Variants in TMTC2 observed in about 807,000 individuals in gnomAD.
TMTC2 encodes the protein transmembrane O-mannosyltransferase targeting cadherins 2.
TMTC2 carries 43 observed loss-of-function variants against 82.4 expected under a neutral mutation model. The observed-to-expected ratio is 0.52, with a 90% CI of 0.41 to 0.67. The LOEUF (loss-of-function observed/expected upper bound fraction) is 0.67, where lower values mean the gene tolerates loss of function less well. TMTC2 is among the 30% of genes least tolerant of loss of function. The probability of loss-of-function intolerance (pLI) is 0.00; values close to 1 mark genes in which losing one functional copy is unlikely to be tolerated. For synonymous variants in TMTC2, 408 were observed against 381.9 expected (o/e 1.07, Z -0.80); for missense variants, 919 against 1,012.4 (o/e 0.91, Z 1.25).
chr12:83,108,962 T>C (rs1212591068), intron 11 of TMTC2, among the ~76,000 whole-genome samples: 1 of 152,232 alleles, frequency 6.6e-6, no homozygotes, highest in Non-Finnish European at 1.5e-5. Flanking sequence ...TTTATTCATT[T>C]CACTTCTGTT....
intron 4 of TMTC2, among the ~76,000 whole-genome samples, chr12:82,949,319 ATTTC>A (rs1877219089): frequency 6.6e-6 from 1 of 152,172 alleles, no homozygotes; most frequent in South Asian, 2.1e-4. Flanking sequence ...GATGCTTTTC[ATTTC>A]TTAATTTTGT....
intron 1 of TMTC2, among the ~76,000 whole-genome samples, chr12:82,733,153 A>G: frequency 6.6e-6 from 1 of 152,228 alleles, no homozygotes; most frequent in East Asian, 1.9e-4. Context: ...GTTGAGTAAT[A>G]GAAATGATGC....
intron 3 of TMTC2, 116 bp downstream of exon 3, chr12:82,896,762 C>G: frequency 1.4e-6 from 1 of 709,436 alleles, no homozygotes; most frequent in Non-Finnish European, 2.2e-6. Flanking sequence ...TATGCAGTAC[C>G]TGTATCTTTC....
chr12:82,910,903 CAG>C (rs1874605361), intron 3 of TMTC2, among the ~76,000 whole-genome samples: 1 of 150,600 alleles, frequency 6.6e-6, no homozygotes, highest in African/African-American at 2.4e-5. Flanking sequence ...GAGACAGAGG[CAG>C]AGTCTCGCTC....
Position 83,023,691 on chromosome 12 carries a change from T to G in TMTC2, c.2071-7107T>G, listed in dbSNP as rs544600619. Among the ~76,000 whole-genome samples, 10 of 152,344 alleles carry G rather than the reference T, an allele frequency of 6.6e-5. No homozygotes were observed. In the South Asian group the frequency reaches 2.1e-3, roughly 32 times the overall value. ...CAGCCTTGTCCTGGGCATAATACCA[T>G]GGAATCATTCCTCCCTTGTGAGGTC... On this transcript the variant is annotated intron_variant, in intron 8 of 11. Coordinates refer to ENST00000321196, the MANE Select transcript of TMTC2 (RefSeq NM_152588.3).
chr12:82,704,400 A>G (rs1239003920), intron 1 of TMTC2, among the ~76,000 whole-genome samples: 1 of 152,132 alleles, frequency 6.6e-6, no homozygotes, highest in Non-Finnish European at 1.5e-5. Context: ...ATTTTTTTTT[A>G]AACCATCTTT....
chr12:83,084,973 C>G (rs903926991), intron 11 of TMTC2, among the ~76,000 whole-genome samples: 1 of 152,206 alleles, frequency 6.6e-6, no homozygotes, highest in African/African-American at 2.4e-5. Flanking sequence ...AGAACTTGTG[C>G]TGTCAGTGCA....
At position 82,935,081 on chromosome 12, in the gene TMTC2, G is replaced by A. The variant is rs564902899; in HGVS notation, c.1598+4536G>A. Among the ~76,000 whole-genome samples, 4 of 152,134 alleles carry A rather than the reference G, an allele frequency of 2.6e-5. No individual in the cohort carries two copies. The East Asian group carries it at 7.7e-4, about 29-fold the overall frequency. ...ATCTATTAGAGAATATAAGGTTTTA[G>A]TAACTGTTAGTGAGTTTACTGAACT... On this transcript the variant is annotated intron_variant, in intron 4 of 11. Transcript: ENST00000321196.
intron 9 of TMTC2, among the ~76,000 whole-genome samples, chr12:83,044,901 GAATTTTTACAA>G (rs1261205965): frequency 3.9e-5 from 6 of 152,152 alleles, no homozygotes; most frequent in Non-Finnish European, 8.8e-5. Context: ...TTTATATGTA[GAATTTTTACAA>G]AGCAGGATTT....
At chr12:82,983,304 A>G (rs1879010394) in intron 7 of TMTC2, among the ~76,000 whole-genome samples, 1 of 152,028 alleles carries the variant, frequency 6.6e-6, no homozygotes, top group Non-Finnish European at 1.5e-5. Context: ...GTTTTCATAT[A>G]CTTGCCAAGA....
At chr12:82,930,335 G>A (rs906585024) in intron 3 of TMTC2, 96 bp from the exon 4 acceptor site, 3 of 629,676 alleles carry the variant, frequency 4.8e-6, no homozygotes, top group Non-Finnish European at 8.3e-6. Context: ...TTTTATGATG[G>A]TTTTCTCTCC....
At chr12:82,892,355 T>C (rs1873440894) in intron 2 of TMTC2, among the ~76,000 whole-genome samples, 1 of 152,244 alleles carries the variant, frequency 6.6e-6, no homozygotes, top group Non-Finnish European at 1.5e-5. Flanking sequence ...GTTTTCATTA[T>C]TCATATCTTT....
intron 4 of TMTC2, among the ~76,000 whole-genome samples, chr12:82,934,816 G>C (rs955281171): frequency 6.6e-6 from 1 of 152,142 alleles, no homozygotes; most frequent in African/African-American, 2.4e-5. Flanking sequence ...CACAGTGTTT[G>C]AACTAATTTA....
chr12:83,067,020 A>G (rs1312184200), intron 11 of TMTC2, among the ~76,000 whole-genome samples: 1 of 151,968 alleles, frequency 6.6e-6, no homozygotes, highest in Non-Finnish European at 1.5e-5. Flanking sequence ...AACATCAACA[A>G]TGGAGGGAAT....
chr12:82,857,380 T>G lies in TMTC2; in HGVS notation c.454T>G (p.Leu152Val), dbSNP rs1410245811. The G allele has an allele frequency of 1.9e-6, 3 of 1,614,182 alleles. No homozygotes were observed. The highest frequency in any genetic ancestry group is 2.5e-6 in the Non-Finnish European group (3 of 1,180,024). Reference sequence around the variant, plus strand: ...GGCCAGTCTCTTCTTTCTCCTCTCCTTGCTCTGCTACATTAAACACTGTTC... The same window carrying G: ...GGCCAGTCTCTTCTTTCTCCTCTCCGTGCTCTGCTACATTAAACACTGTTC... ...VGASLFFLLS[L>V]LCYIKHCSTR... is the part of the protein sequence containing the mutation. The change falls in exon 2 of 12, where the codon TTG (leucine) becomes GTG (valine). Residue 152 changes from leucine to valine, a missense_variant. Coordinates refer to ENST00000321196, the MANE Select transcript of TMTC2 (RefSeq NM_152588.3).
At chr12:82,956,253 T>C (rs911412599) in intron 4 of TMTC2, among the ~76,000 whole-genome samples, 2 of 151,984 alleles carry the variant, frequency 1.3e-5, no homozygotes, top group East Asian at 1.9e-4. Context: ...ATGTAAGTGG[T>C]CTAAATGCTT....
At chr12:82,987,107 G>C (rs1287005886) in intron 8 of TMTC2, among the ~76,000 whole-genome samples, 1 of 152,050 alleles carries the variant, frequency 6.6e-6, no homozygotes, top group African/African-American at 2.4e-5. Flanking sequence ...GAAGATGGTA[G>C]ATAACACTTA....
chr12:83,056,486 A>G (rs1882547224), intron 10 of TMTC2, among the ~76,000 whole-genome samples: 1 of 151,960 alleles, frequency 6.6e-6, no homozygotes, highest in Admixed American at 6.6e-5. Context: ...CAATATATTG[A>G]AAACATAAAA....
rs1565845075 is a variant in TMTC2 at position 82,997,364 on chromosome 12, A to ATATATATGTGTATATATATATG, written c.2070+11319_2070+11320insATATATGTGTATATATATATGT. Among the ~76,000 whole-genome samples the ATATATATGTGTATATATATATG allele has an allele frequency of 4.1e-4, 12 of 28,964 alleles. No homozygotes were observed. The East Asian group carries it at 5.8e-3, about 14-fold the overall frequency. The allele number at this position is 28,964 out of a possible 152,430, so 19.0% of individuals were successfully genotyped here. Reference sequence around the variant, plus strand: ...TGTGTGTGTGTATATATATATATATATGTGTATATATATATATGTGTATAT... The same window carrying ATATATATGTGTATATATATATG: ...TGTGTGTGTGTATATATATATATATATATATATGTGTATATATATATGTGTGTATATATATATATGTGTATAT... On this transcript the variant is annotated intron_variant, in intron 8 of 11. Transcript: ENST00000321196.
Sources: allele counts gnomAD v4.1 joint callset (sites outside exome capture counted in the v4.1 genomes callset), GRCh38; gene constraint gnomAD v4.1.1; transcripts MANE v1.5; gene names NCBI Gene and HGNC (gene_info 2026-07-23, HGNC 2026-07-21).